Variants in GABRG3 observed in about 807,000 individuals in gnomAD.
GABRG3 encodes gamma-aminobutyric acid type A receptor subunit gamma3, also known as gamma-aminobutyric acid receptor subunit gamma-3.
GABRG3 carries 25 observed loss-of-function variants against 48.8 expected under a neutral mutation model. The observed-to-expected ratio is 0.51, with a 90% CI of 0.37 to 0.72. GABRG3 has a LOEUF of 0.72. Among genes scored for constraint, GABRG3 ranks in the 30% least tolerant of loss-of-function variants. GABRG3 has a pLI of 0.00. For synonymous variants in GABRG3, 227 were observed against 217.6 expected (o/e 1.04, Z -0.38); for missense variants, 394 against 577.9 (o/e 0.68, Z 3.26).
intron 3 of GABRG3, among the ~76,000 whole-genome samples, chr15:27,201,358 G>A (rs973136183): frequency 5.9e-5 from 9 of 151,334 alleles, no homozygotes; most frequent in Non-Finnish European, 1.0e-4. Context: ...GGGTGCGTGT[G>A]TGTGTGTGTG....
At chr15:27,126,169 CTTCT>C (rs1310758420) in intron 3 of GABRG3, among the ~76,000 whole-genome samples, 2 of 152,170 alleles carry the variant, frequency 1.3e-5, no homozygotes, top group African/African-American at 4.8e-5. Flanking sequence ...GAGAACAGGG[CTTCT>C]TTATTTTACA....
intron 5 of GABRG3, among the ~76,000 whole-genome samples, chr15:27,435,213 A>G (rs766321140): frequency 6.7e-6 from 1 of 149,194 alleles, no homozygotes; most frequent in Non-Finnish European, 1.5e-5. Context: ...ATATAATTAT[A>G]TAAATTATAT....
At chr15:27,458,239 T>C (rs1889344843) in intron 5 of GABRG3, among the ~76,000 whole-genome samples, 1 of 152,224 alleles carries the variant, frequency 6.6e-6, no homozygotes, top group Admixed American at 6.5e-5. Context: ...TCTCCTATTC[T>C]TCAAAGCTGC....
intron 5 of GABRG3, among the ~76,000 whole-genome samples, chr15:27,437,037 C>T (rs1358122349): frequency 1.7e-5 from 2 of 117,606 alleles, no homozygotes; most frequent in Non-Finnish European, 3.6e-5. Context: ...GAGAGAGCGC[C>T]CACATTCTCA....
At chr15:27,049,311 C>T (rs975266574) in intron 3 of GABRG3, among the ~76,000 whole-genome samples, 3 of 152,252 alleles carry the variant, frequency 2.0e-5, no homozygotes, top group Non-Finnish European at 4.4e-5. Context: ...CCACAGACTA[C>T]AGTCGCACAA....
rs1467262104 is a variant in GABRG3, at chr15:27,313,254, GTGTGTGTGTATATATATATA to G, written c.271-13553_271-13534del. ...TATATGTATATATGTGTGTGTGTGTGTGTGTGTGTATATATATATATATATATATATATATATATATATAT... is the reference window on the plus strand; with the variant it reads ...TATATGTATATATGTGTGTGTGTGTGTATATATATATATATATATATATAT... On this transcript the variant is annotated intron_variant, in intron 3 of 9. Transcript: ENST00000615808. Among the ~76,000 whole-genome samples the G allele has an allele frequency of 4.7e-3, 296 of 62,550 alleles. 2 individuals are homozygous for G. The highest frequency in any genetic ancestry group is 0.017 in the African/African-American group (277 of 15,958). The allele number at this position is 62,550 out of a possible 152,430, so 41.0% of individuals were successfully genotyped here. A position where few individuals can be genotyped will look rare whatever the true frequency, so the allele number is the denominator to read the frequency against.
intron 3 of GABRG3, among the ~76,000 whole-genome samples, chr15:27,160,710 C>G (rs990536944): frequency 4.0e-5 from 6 of 149,514 alleles, no homozygotes; most frequent in African/African-American, 1.5e-4. Flanking sequence ...TGGAAGTTTT[C>G]TTCTGGTCTC....
chr15:27,299,585 G>C (rs1892123444), intron 3 of GABRG3, among the ~76,000 whole-genome samples: 1 of 152,112 alleles, frequency 6.6e-6, no homozygotes, highest in South Asian at 2.1e-4. Context: ...ATCCTTAGAG[G>C]ATGTTTAAAT....
chr15:27,360,595 C>A (rs976024602), intron 5 of GABRG3, among the ~76,000 whole-genome samples: 2 of 152,150 alleles, frequency 1.3e-5, no homozygotes, highest in Non-Finnish European at 2.9e-5. Context: ...CGAGATGGGC[C>A]GGGATGAGGT....
chr15:27,169,901 A>G (rs1887507830), intron 3 of GABRG3, among the ~76,000 whole-genome samples: 1 of 152,188 alleles, frequency 6.6e-6, no homozygotes, highest in Non-Finnish European at 1.5e-5. Context: ...AAACAATGGA[A>G]AAACATCCTA....
At chr15:27,188,240 C>G (rs1250473818) in intron 3 of GABRG3, among the ~76,000 whole-genome samples, 1 of 152,096 alleles carries the variant, frequency 6.6e-6, no homozygotes, top group African/African-American at 2.4e-5. Context: ...TGAGTATATA[C>G]CCAGTAATGG....
At chr15:26,998,448 G>C (rs1284462068) in intron 2 of GABRG3, among the ~76,000 whole-genome samples, 1 of 152,174 alleles carries the variant, frequency 6.6e-6, no homozygotes, top group Non-Finnish European at 1.5e-5. Context: ...TATCTCTGCT[G>C]CACAACAGGC....
intron 3 of GABRG3, among the ~76,000 whole-genome samples, chr15:27,194,115 A>G (rs56167156): frequency 1.1e-3 from 172 of 152,364 alleles, no homozygotes; most frequent in Middle Eastern, 6.8e-3. Context: ...AAATACATAC[A>G]TAATTAAATT....
At chr15:27,222,356 A>C (rs1889480139) in intron 3 of GABRG3, among the ~76,000 whole-genome samples, 1 of 152,248 alleles carries the variant, frequency 6.6e-6, no homozygotes, top group Admixed American at 6.5e-5. Flanking sequence ...AGTGCTTAGA[A>C]GAGTACCTGA....
chr15:27,134,023 G>T lies in GABRG3; in HGVS notation c.270+107202G>T, dbSNP rs574546196. ...ATTATCATGTAGCACCATGGCTCCTGATTCTTAAGGTCTCTCTGTAATTAA... is the reference window on the plus strand; with the variant it reads ...ATTATCATGTAGCACCATGGCTCCTTATTCTTAAGGTCTCTCTGTAATTAA... On this transcript the variant is annotated intron_variant, in intron 3 of 9. Coordinates refer to ENST00000615808, the MANE Select transcript of GABRG3 (RefSeq NM_033223.5). Among the ~76,000 whole-genome samples the T allele has an allele frequency of 7.9e-5, 12 of 152,276 alleles. No homozygotes were observed. In the South Asian group the frequency reaches 2.5e-3, roughly 32 times the overall value.
intron 3 of GABRG3, among the ~76,000 whole-genome samples, chr15:27,027,964 C>T (rs1810017931): frequency 6.6e-6 from 1 of 152,208 alleles, no homozygotes; most frequent in Non-Finnish European, 1.5e-5. Flanking sequence ...ATGTCTAACA[C>T]TCAAAGAAGA....
chr15:27,246,687 A>G (rs1890280651), intron 3 of GABRG3, among the ~76,000 whole-genome samples: 1 of 152,192 alleles, frequency 6.6e-6, no homozygotes, highest in African/African-American at 2.4e-5. Flanking sequence ...ATCTAGCATC[A>G]GTAGTTGCCT....
chr15:27,178,964 G>A (rs1310020152), intron 3 of GABRG3, among the ~76,000 whole-genome samples: 1 of 152,142 alleles, frequency 6.6e-6, no homozygotes, highest in Non-Finnish European at 1.5e-5. Flanking sequence ...AACAGGTTCT[G>A]GTTTCTATGA....
rs1427995226 is a variant in GABRG3, at chr15:27,421,775, T to C, written c.575-58875T>C. On this transcript the variant is annotated intron_variant, in intron 5 of 9. Transcript: ENST00000615808. ...GAGTGTTCTAAGATATCCATGGGAG[T>C]GGGCTGCTTATCTACCAATACTGAG... is the stretch of plus-strand genomic sequence containing the variant. 4.6e-5 allele frequency among the ~76,000 whole-genome samples: 7 copies of C among 151,846 alleles called. No individual in the cohort carries two copies. In the East Asian group the frequency reaches 1.4e-3, roughly 30 times the overall value.
Sources: gnomAD v4.1 joint callset for allele counts (sites outside exome capture counted in the v4.1 genomes callset) on GRCh38, gnomAD v4.1.1 for gene constraint, MANE v1.5 for transcripts, NCBI Gene and HGNC (gene_info 2026-07-23, HGNC 2026-07-21) for gene names.